ARHGAP44: variants seen among roughly 807,000 people sequenced by gnomAD.
ARHGAP44 encodes the protein rho GTPase-activating protein 44.
Under a neutral mutation model 106.8 loss-of-function variants are expected in ARHGAP44, and 43 were observed. That is an observed-to-expected ratio of 0.40 (90% CI 0.32 to 0.52). ARHGAP44 has a LOEUF of 0.52. Among genes scored for constraint, ARHGAP44 ranks in the 20% least tolerant of loss-of-function variants. ARHGAP44 has a pLI of 0.48. For synonymous variants in ARHGAP44, 439 were observed against 410.3 expected, an observed-to-expected ratio of 1.07 and a Z score of -0.85; for missense variants, 866 against 1,050.5, an observed-to-expected ratio of 0.82 and a Z score of 2.43.
At position 12,941,101 on chromosome 17, in the gene ARHGAP44, G is replaced by A; in HGVS notation, c.628G>A (p.Asp210Asn). 6.2e-7 allele frequency: 1 copy of A among 1,613,972 alleles called. No individual in the cohort carries two copies. Among genetic ancestry groups the A allele is most frequent in the African/African-American group, 1.3e-5 (1 of 75,040 alleles). The part of the protein sequence containing the change: ...DMYSFVAKEI[D>N]YANYFQTLIE... ...GTACAGTTTTGTGGCCAAAGAAATT[G>A]ACTATGCAAACTACTTTCAAACGGT... Residue 210 changes from aspartate to asparagine, a missense_variant, in exon 8 of 21, where the codon GAC becomes AAC. By Grantham distance (23) the Asp-to-Asn change is conservative (BLOSUM62 1). Transcript: ENST00000379672.
chr17:12,911,010 A>G (rs1003497075), intron 4 of ARHGAP44, among the ~76,000 whole-genome samples: 3 of 151,544 alleles, frequency 2.0e-5, no homozygotes, highest in Non-Finnish European at 2.9e-5. Flanking sequence ...GGAAAATAAA[A>G]AAAAATACAT....
At chr17:12,962,468 T>A (rs958024944) in intron 16 of ARHGAP44, among the ~76,000 whole-genome samples, 5 of 152,172 alleles carry the variant, frequency 3.3e-5, no homozygotes, top group South Asian at 2.1e-4. Context: ...TGGAAAAAGG[T>A]CTTTGAATAT....
chr17:12,840,222 C>T (rs1192496255), intron 1 of ARHGAP44, among the ~76,000 whole-genome samples: 2 of 152,094 alleles, frequency 1.3e-5, no homozygotes, highest in East Asian at 1.9e-4. Context: ...TTAATAACCT[C>T]TGTGCAATCT....
intron 20 of ARHGAP44, chr17:12,987,835 C>G (rs1185248082): frequency 6.6e-6 from 1 of 152,184 alleles, no homozygotes; most frequent in Non-Finnish European, 1.5e-5. Context: ...TTTGGGGGAG[C>G]ATTTATATCA....
chr17:12,963,272 T>C (rs1174883484), intron 16 of ARHGAP44, among the ~76,000 whole-genome samples: 1 of 152,046 alleles, frequency 6.6e-6, no homozygotes, highest in African/African-American at 2.4e-5. Flanking sequence ...CTTGACCTAG[T>C]AGGATGTGGG....
intron 1 of ARHGAP44, among the ~76,000 whole-genome samples, chr17:12,851,332 T>G (rs3785728): frequency 0.33 from 49,620 of 152,094 alleles, 10,300 homozygotes; most frequent in African/African-American, 0.59. Flanking sequence ...TTGAAAAAAA[T>G]CAGAGGCTTA....
At chr17:12,852,879 G>A (rs1056861172) in intron 1 of ARHGAP44, among the ~76,000 whole-genome samples, 8 of 152,128 alleles carry the variant, frequency 5.3e-5, no homozygotes, top group Non-Finnish European at 8.8e-5. Flanking sequence ...TGTTTTTTGA[G>A]GGAGAAATTA....
intron 1 of ARHGAP44, among the ~76,000 whole-genome samples, chr17:12,826,818 C>T (rs1480403641): frequency 2.0e-5 from 3 of 152,204 alleles, no homozygotes; most frequent in Non-Finnish European, 4.4e-5. Flanking sequence ...CCTTTATGGG[C>T]TCATGCCAGA....
At chr17:12,919,911 A>G (rs2038025210) in intron 6 of ARHGAP44, 80 bp downstream of exon 6, 2 of 1,226,592 alleles carry the variant, frequency 1.6e-6, no homozygotes, top group South Asian at 1.4e-5. Context: ...TAAGTAGGCA[A>G]TTGTGTTTTC....
intron 6 of ARHGAP44, among the ~76,000 whole-genome samples, chr17:12,923,880 G>A (rs776496840): frequency 2.0e-5 from 3 of 152,124 alleles, no homozygotes; most frequent in Non-Finnish European, 4.4e-5. Flanking sequence ...CAAATGCTGT[G>A]CTATTGAACA....
At chr17:12,943,832 G>C (rs1450261245) in intron 9 of ARHGAP44, among the ~76,000 whole-genome samples, 163 bp downstream of exon 9, 2 of 152,084 alleles carry the variant, frequency 1.3e-5, no homozygotes, top group Non-Finnish European at 2.9e-5. Flanking sequence ...TTGAGTCGGG[G>C]GTGCGTAGGG....
At chr17:12,947,234 T>A (rs1438886927) in intron 10 of ARHGAP44, among the ~76,000 whole-genome samples, 4 of 152,186 alleles carry the variant, frequency 2.6e-5, no homozygotes, top group African/African-American at 9.7e-5. Context: ...TCCTCCGGGA[T>A]CCCCAGCAAC....
At chr17:12,843,080 C>T (rs953361202) in intron 1 of ARHGAP44, among the ~76,000 whole-genome samples, 2 of 151,632 alleles carry the variant, frequency 1.3e-5, no homozygotes, top group African/African-American at 2.4e-5. Context: ...TTGTCAGCAA[C>T]GGCCTATGGT....
At chr17:12,804,817 T>C (rs1009330228) in intron 1 of ARHGAP44, among the ~76,000 whole-genome samples, 1 of 152,232 alleles carries the variant, frequency 6.6e-6, no homozygotes, top group Non-Finnish European at 1.5e-5. Context: ...CTGTCTCTGG[T>C]ACTAATCTAT....
In ARHGAP44 at chr17:12,979,932, A is replaced by G. The variant is rs1303487110; in HGVS notation, c.1764-126A>G. The G allele has an allele frequency of 2.8e-6, 3 of 1,064,118 alleles. No individual in the cohort carries two copies. In the African/African-American group the frequency reaches 4.8e-5, roughly 17 times the overall value. The allele number at this position is 1,064,118 out of a possible 1,614,324, so 65.9% of individuals were successfully genotyped here. A position where few individuals can be genotyped will look rare whatever the true frequency, so the allele number is the denominator to read the frequency against. On this transcript the variant is annotated intron_variant, in intron 18 of 20. Coordinates refer to ENST00000379672, the MANE Select transcript of ARHGAP44 (RefSeq NM_014859.6). Reference sequence around the variant, plus strand: ...GCGAAGGTTTTAGGAAGGGGCCAAGACAGACCAGAGCTGGGACAGACTTGC... The same window carrying G: ...GCGAAGGTTTTAGGAAGGGGCCAAGGCAGACCAGAGCTGGGACAGACTTGC...
chr17:12,792,472 C>T (rs560649032), intron 1 of ARHGAP44, among the ~76,000 whole-genome samples: 3 of 152,212 alleles, frequency 2.0e-5, no homozygotes, highest in South Asian at 4.2e-4. Flanking sequence ...CCCCAGGGTC[C>T]GTGAGGGTCA....
intron 1 of ARHGAP44, among the ~76,000 whole-genome samples, chr17:12,839,626 G>T (rs2035335992): frequency 6.6e-6 from 1 of 152,162 alleles, no homozygotes; most frequent in Admixed American, 6.5e-5. Flanking sequence ...AACCAGATGA[G>T]TGGAAATCTG....
chr17:12,868,210 G>A (rs563833772), intron 1 of ARHGAP44, among the ~76,000 whole-genome samples: 27 of 152,152 alleles, frequency 1.8e-4, no homozygotes, highest in Non-Finnish European at 3.1e-4. Flanking sequence ...TTCTCTCTGC[G>A]TCTTCATATG....
chr17:12,855,254 A>G (rs1159826609), intron 1 of ARHGAP44, among the ~76,000 whole-genome samples: 2 of 152,188 alleles, frequency 1.3e-5, no homozygotes, highest in East Asian at 1.9e-4. Context: ...TAATAAATAA[A>G]TAAACAAACA....
Sources: gnomAD v4.1 joint callset for allele counts (sites outside exome capture counted in the v4.1 genomes callset) on GRCh38, gnomAD v4.1.1 for gene constraint, MANE v1.5 for transcripts, NCBI Gene and HGNC (gene_info 2026-07-23, HGNC 2026-07-21) for gene names.